Variants in DAB1 observed in about 807,000 individuals in gnomAD.
DAB1 encodes the protein DAB adaptor protein 1, also known as disabled homolog 1.
A neutral mutation model predicts 64.6 loss-of-function variants in DAB1; 15 were observed. That is an observed-to-expected ratio of 0.23 (90% CI 0.16 to 0.36). The LOEUF is 0.36. Among genes scored for constraint, DAB1 ranks in the 10% least tolerant of loss-of-function variants. The probability of loss-of-function intolerance (pLI) is 1.00; values close to 1 mark genes in which losing one functional copy is unlikely to be tolerated. For missense variants in DAB1, 596 were observed against 706.7 expected (o/e 0.84, Z 1.78); for synonymous variants, 235 against 251.9 (o/e 0.93, Z 0.64).
At chr1:57,197,739 C>A (rs937472238) in intron 2 of DAB1, among the ~76,000 whole-genome samples, 1 of 152,158 alleles carries the variant, frequency 6.6e-6, no homozygotes, top group Non-Finnish European at 1.5e-5. Context: ...TTCCATTATT[C>A]ACACATGGCA....
intron 4 of DAB1, among the ~76,000 whole-genome samples, chr1:58,216,273 C>T (rs1417760676): frequency 9.9e-5 from 15 of 151,858 alleles, no homozygotes; most frequent in African/African-American, 2.7e-4. Flanking sequence ...AGTGAGAACA[C>T]GTGGTGTTTG....
At chr1:57,102,867 T>C (rs757664335) in intron 4 of DAB1, among the ~76,000 whole-genome samples, 4 of 152,188 alleles carry the variant, frequency 2.6e-5, no homozygotes, top group Non-Finnish European at 4.4e-5. Context: ...TCCTGAAAAC[T>C]GTCAGCTCAG....
intron 5 of DAB1, among the ~76,000 whole-genome samples, chr1:57,940,608 G>C (rs935444711): frequency 1.3e-5 from 2 of 152,158 alleles, no homozygotes; most frequent in African/African-American, 4.8e-5. Flanking sequence ...GTGGGTCTGG[G>C]GCAGAGCCTG....
intron 6 of DAB1, among the ~76,000 whole-genome samples, chr1:57,752,398 T>C (rs1340266878): frequency 6.6e-6 from 1 of 152,230 alleles, no homozygotes; most frequent in Non-Finnish European, 1.5e-5. Context: ...TGGGATATTC[T>C]AGAGGCATGG....
chr1:58,109,618 T>C (rs1651860146), intron 5 of DAB1, among the ~76,000 whole-genome samples: 2 of 151,884 alleles, frequency 1.3e-5, no homozygotes, highest in Admixed American at 1.3e-4. Context: ...AGCTAGAGTC[T>C]GATTTGTCCA....
intron 2 of DAB1, among the ~76,000 whole-genome samples, chr1:57,148,443 A>G (rs1219481136): frequency 1.3e-5 from 2 of 152,236 alleles, no homozygotes; most frequent in African/African-American, 4.8e-5. Flanking sequence ...GTACATCTTG[A>G]GCAAGGTCTC....
intron 6 of DAB1, among the ~76,000 whole-genome samples, chr1:57,730,287 T>C (rs142894754): frequency 2.6e-5 from 4 of 152,228 alleles, no homozygotes; most frequent in African/African-American, 9.6e-5. Flanking sequence ...ACACTTGTTC[T>C]GTTAGGATAC....
intron 2 of DAB1, among the ~76,000 whole-genome samples, chr1:57,245,495 T>C (rs181768414): frequency 5.0e-4 from 76 of 152,258 alleles, no homozygotes; most frequent in African/African-American, 1.8e-3. Flanking sequence ...TGTGTTCTCA[T>C]TGTTCAATTC....
intron 2 of DAB1, among the ~76,000 whole-genome samples, chr1:57,232,042 G>T (rs1667716007): frequency 6.6e-6 from 1 of 152,144 alleles, no homozygotes; most frequent in Non-Finnish European, 1.5e-5. Flanking sequence ...TCAACTCTTG[G>T]TAGCTTAAAC....
At chr1:57,803,765 G>A (rs1422398076) in intron 6 of DAB1, among the ~76,000 whole-genome samples, 3 of 152,200 alleles carry the variant, frequency 2.0e-5, no homozygotes, top group Non-Finnish European at 4.4e-5. Context: ...CACTTGGCAT[G>A]GCTCTGTTTT....
intron 4 of DAB1, among the ~76,000 whole-genome samples, chr1:58,159,261 C>T (rs1655383154): frequency 6.6e-6 from 1 of 152,088 alleles, no homozygotes; most frequent in Non-Finnish European, 1.5e-5. Flanking sequence ...GTGTCTGGCT[C>T]CCTCTAAAGA....
chr1:58,319,466 C>T (rs1662634661), intron 4 of DAB1, among the ~76,000 whole-genome samples: 1 of 152,150 alleles, frequency 6.6e-6, no homozygotes. Flanking sequence ...GTGACAGGGA[C>T]AATTTGAACT....
chr1:57,243,336 G>T (rs1336617334), intron 2 of DAB1, among the ~76,000 whole-genome samples: 1 of 152,204 alleles, frequency 6.6e-6, no homozygotes, highest in African/African-American at 2.4e-5. Context: ...TAGAAGATTA[G>T]TGGTTAATGG....
At chr1:58,533,969 G>C (rs779130769) in intron 1 of DAB1, 1 of 872,238 alleles carries the variant, frequency 1.1e-6, no homozygotes, top group Non-Finnish European at 2.0e-6. Flanking sequence ...CCCAAGTACT[G>C]CATGTGCTAT....
intron 2 of DAB1, among the ~76,000 whole-genome samples, chr1:57,187,886 C>T (rs1663739370): frequency 6.6e-6 from 1 of 152,002 alleles, no homozygotes; most frequent in South Asian, 2.1e-4. Flanking sequence ...CACAAAGACC[C>T]ACAAGGAGAG....
chr1:57,525,322 A>G (rs1361373407), intron 7 of DAB1, among the ~76,000 whole-genome samples: 2 of 152,198 alleles, frequency 1.3e-5, no homozygotes, highest in Non-Finnish European at 2.9e-5. Context: ...ATCAGAAACA[A>G]AAGGAGCTAA....
chr1:58,438,971 G>A (rs970350997), intron 3 of DAB1, among the ~76,000 whole-genome samples: 4 of 152,118 alleles, frequency 2.6e-5, no homozygotes, highest in African/African-American at 7.2e-5. Flanking sequence ...GCAGTGTGAC[G>A]TAGGGAGGGT....
At chr1:57,305,766 G>A (rs1558131649) in intron 1 of DAB1, among the ~76,000 whole-genome samples, 1 of 151,904 alleles carries the variant, frequency 6.6e-6, no homozygotes, top group Non-Finnish European at 1.5e-5. Flanking sequence ...TCAGGAGATC[G>A]AGACCATCCT....
At chr1:57,670,950 C>T (rs563320242) in intron 6 of DAB1, among the ~76,000 whole-genome samples, 87 of 152,224 alleles carry the variant, frequency 5.7e-4, no homozygotes, top group African/African-American at 2.0e-3. Context: ...AACCTACAGG[C>T]ATCCTCCCAT....
Sources: allele counts gnomAD v4.1 joint callset (sites outside exome capture counted in the v4.1 genomes callset), GRCh38; gene constraint gnomAD v4.1.1; transcripts MANE v1.5; gene names NCBI Gene and HGNC (gene_info 2026-07-23, HGNC 2026-07-21).